Variants in MTMR11 observed in about 807,000 individuals in gnomAD.
MTMR11 encodes myotubularin related protein 11.
MTMR11 carries 89 observed loss-of-function variants against 100.0 expected under a neutral mutation model. The observed-to-expected ratio is 0.89, with a 90% confidence interval of 0.75 to 1.06. The LOEUF (loss-of-function observed/expected upper bound fraction) is 1.06, where lower values mean the gene tolerates loss of function less well. Ranked by LOEUF, MTMR11 falls within the 50% of genes least tolerant of loss-of-function variation. The pLI is 0.00. For synonymous variants in MTMR11, 336 were observed against 326.3 expected, an observed-to-expected ratio of 1.03 and a Z score of -0.32; for missense variants, 809 against 873.7, an observed-to-expected ratio of 0.93 and a Z score of 0.93.
rs2092633824 is a variant in MTMR11, at chr1:149,929,848, CA to C, written c.1715del (p.Leu572ArgfsTer69). On this transcript the variant is annotated frameshift_variant, in exon 16 of 17. Transcript: ENST00000439741. LOFTEE classifies it high-confidence loss of function. ...WLFSRGALTP[L>X]NQLCPWRDSP... is the part of the protein sequence containing the mutation. ...TGTCCCGCCAAGGACAGAGCTGATT[CA>C]GGGGGGTCAATGCTCCTCTAGAGAA... 1 of 1,614,164 alleles carries C rather than the reference CA, an allele frequency of 6.2e-7. No individual in the cohort carries two copies. The highest frequency in any genetic ancestry group is 8.5e-7 in the Non-Finnish European group (1 of 1,180,022).
At chr1:149,929,985 G>C (rs2092636860) in intron 15 of MTMR11, 69 bp from the exon 16 acceptor site, 1 of 1,492,836 alleles carries the variant, frequency 6.7e-7, no homozygotes, top group East Asian at 2.3e-5. Context: ...ATCTGGATCA[G>C]GACAGGGTGT....
chr1:149,936,253 G>T, intron 1 of MTMR11, 24 bp from the exon 2 acceptor site: 1 of 1,613,428 alleles, frequency 6.2e-7, no homozygotes, highest in South Asian at 1.1e-5. Flanking sequence ...GGTTGAGGGG[G>T]GTCTAGAGTT....
chr1:149,935,241 G>A (rs587734686), intron 4 of MTMR11, 58 bp downstream of exon 4: 7 of 1,606,616 alleles, frequency 4.4e-6, no homozygotes, highest in Non-Finnish European at 6.0e-6. Flanking sequence ...GAGGAAGGAT[G>A]AGGAGGGAGT....
In MTMR11 at chr1:149,928,750, A is replaced by G; in HGVS notation, c.*379T>C. 9.7e-7 allele frequency: 1 copy of G among 1,028,612 alleles called. No homozygotes were observed. The highest frequency in any genetic ancestry group is 2.0e-5 in the Admixed American group (1 of 50,614). 63.7% of individuals were successfully genotyped at this position (1,028,612 alleles called of 1,614,324 possible). A position where few individuals can be genotyped will look rare whatever the true frequency, so the allele number is the denominator to read the frequency against. ...TTTCCTGTATCCGCCTCATTCCCATAGAAAACTATAAGGGAAGAAATAGAA... is the reference window on the plus strand; with the variant it reads ...TTTCCTGTATCCGCCTCATTCCCATGGAAAACTATAAGGGAAGAAATAGAA... On this transcript the variant is annotated 3_prime_UTR_variant, in exon 17 of 17. Transcript: ENST00000439741.
chr1:149,936,032 G>T, intron 2 of MTMR11, 122 bp downstream of exon 2: 1 of 1,072,360 alleles, frequency 9.3e-7, no homozygotes. Flanking sequence ...AGGACAGCGA[G>T]CCTCAGGCAG....
intron 1 of MTMR11, 164 bp from the exon 2 acceptor site, chr1:149,936,393 G>A: frequency 1.4e-6 from 2 of 1,463,586 alleles, no homozygotes; most frequent in South Asian, 2.8e-5. Flanking sequence ...AGTAAAGGGA[G>A]GGGCTGGTTA....
chr1:149,930,647 G>A (rs2092646180), intron 14 of MTMR11, 100 bp from the exon 15 acceptor site: 13 of 1,380,502 alleles, frequency 9.4e-6, no homozygotes, highest in Non-Finnish European at 1.3e-5. Context: ...AAAGATGTAG[G>A]GCAAAAGTCT....
chr1:149,931,992 C>T lies in MTMR11; in HGVS notation c.1075G>A (p.Asp359Asn), dbSNP rs1166232886. The T allele has an allele frequency of 6.2e-6, 10 of 1,613,826 alleles. No individual in the cohort carries two copies. The highest frequency in any genetic ancestry group is 8.5e-6 in the Non-Finnish European group (10 of 1,179,838). Residue 359 changes from aspartate to asparagine, a missense_variant, in exon 12 of 17, where the codon GAC becomes AAC. Transcript: ENST00000439741. ...YVRACLRKAS[D>N]ISVLVTSRVR... ...CTGGATGTCACTAATACTGAAATGT[C>T]ACTGGCCTTTCGAAGACAAGCCCTG...
intron 15 of MTMR11, 71 bp from the exon 16 acceptor site, chr1:149,929,987 A>G: frequency 1.3e-6 from 2 of 1,489,520 alleles, no homozygotes; most frequent in Non-Finnish European, 9.1e-7. Flanking sequence ...CTGGATCAGG[A>G]CAGGGTGTCC....
At position 149,929,473 on chromosome 1, in the gene MTMR11, C is replaced by G. The variant is rs974281424; in HGVS notation, c.1941+150G>C. ...CACAAGCACTTTCCCGCACCTCCTACACTCCCAAACCTTGTTTGATGCCAA... is the reference window on the plus strand; with the variant it reads ...CACAAGCACTTTCCCGCACCTCCTAGACTCCCAAACCTTGTTTGATGCCAA... On this transcript the variant is annotated intron_variant, in intron 16 of 16. Coordinates refer to ENST00000439741, the MANE Select transcript of MTMR11 (RefSeq NM_001145862.2). The G allele has an allele frequency of 2.4e-5, 29 of 1,216,378 alleles. No homozygotes were observed. In the African/African-American group the frequency reaches 2.6e-4, roughly 11 times the overall value. The allele number at this position is 1,216,378 out of a possible 1,614,324, so 75.3% of individuals were successfully genotyped here. A position where few individuals can be genotyped will look rare whatever the true frequency, so the allele number is the denominator to read the frequency against.
At position 149,929,855 on chromosome 1, in the gene MTMR11, G is replaced by A. The variant is rs1553767051; in HGVS notation, c.1709C>T (p.Thr570Ile). The A allele has an allele frequency of 1.2e-6, 2 of 1,614,082 alleles. No homozygotes were observed. Among genetic ancestry groups the A allele is most frequent in the African/African-American group, 1.3e-5 (1 of 74,926 alleles). The change falls in exon 16 of 17, where the codon ACC becomes ATC. Residue 570 changes from threonine (T) to isoleucine (I), a missense_variant. Thr to Ile is a moderately conservative substitution (Grantham distance 89, BLOSUM62 -1). Coordinates refer to ENST00000439741, the MANE Select transcript of MTMR11 (RefSeq NM_001145862.2). ...SVWLFSRGALTPLNQLCPWRD... is the reference protein window; with the variant it reads ...SVWLFSRGALIPLNQLCPWRD... ...CCAAGGACAGAGCTGATTCAGGGGG[G>A]TCAATGCTCCTCTAGAGAAGAGCCA...
intron 13 of MTMR11, 27 bp downstream of exon 13, chr1:149,931,233 C>G (rs1553767549): frequency 6.2e-7 from 1 of 1,613,316 alleles, no homozygotes; most frequent in South Asian, 1.1e-5. Flanking sequence ...GTAATATGCC[C>G]CCGATGCCAT....
chr1:149,929,880 A>G lies in MTMR11; in HGVS notation c.1684T>C (p.Trp562Arg). 1 of 1,614,154 alleles carries G rather than the reference A, an allele frequency of 6.2e-7. No homozygotes were observed. The highest frequency in any genetic ancestry group is 8.5e-7 in the Non-Finnish European group (1 of 1,179,992). Residue 562 changes from tryptophan (W) to arginine (R), a missense_variant, in exon 16 of 17, where the codon TGG becomes CGG. Coordinates refer to ENST00000439741, the MANE Select transcript of MTMR11 (RefSeq NM_001145862.2). The part of the protein sequence containing the change: ...FMVPGPPSSV[W>R]LFSRGALTPL... ...GTCAATGCTCCTCTAGAGAAGAGCCACACAGAACTGGGGGGTCCAGGAACC... is the reference window on the plus strand; with the variant it reads ...GTCAATGCTCCTCTAGAGAAGAGCCGCACAGAACTGGGGGGTCCAGGAACC...
chr1:149,936,562 C>A lies in MTMR11; in HGVS notation c.66+20G>T. ...CGTTCTCACCCTCTTGCCGACACCC[C>A]CCAAATTCCTTCTCCTTACCCCCAT... On this transcript the variant is annotated intron_variant, in intron 1 of 16. Coordinates refer to ENST00000439741, the MANE Select transcript of MTMR11 (RefSeq NM_001145862.2). The A allele has an allele frequency of 1.3e-6, 2 of 1,499,614 alleles. No individual in the cohort carries two copies. Among genetic ancestry groups the A allele is most frequent in the Non-Finnish European group, 1.8e-6 (2 of 1,101,254 alleles). The allele number at this position is 1,499,614 out of a possible 1,614,324, so 92.9% of individuals were successfully genotyped here.
rs2092614368 is a variant in MTMR11 at position 149,928,800 on chromosome 1, C to T, written c.*329G>A. 5 of 1,439,346 alleles carry T rather than the reference C, an allele frequency of 3.5e-6. No homozygotes were observed. Among genetic ancestry groups the T allele is most frequent in the Non-Finnish European group, 4.9e-6 (5 of 1,022,256 alleles). The allele number at this position is 1,439,346 out of a possible 1,614,324, so 89.2% of individuals were successfully genotyped here. A position where few individuals can be genotyped will look rare whatever the true frequency, so the allele number is the denominator to read the frequency against. On this transcript the variant is annotated 3_prime_UTR_variant, in exon 17 of 17. Coordinates refer to ENST00000439741, the MANE Select transcript of MTMR11 (RefSeq NM_001145862.2). ...ACTTGGAATTAAAGCAGCAGCAAGG[C>T]GAGGTGAGAATGCGATTTCTAGGCC...
rs2092699239 is a variant in MTMR11 at position 149,934,438 on chromosome 1, T to C, written c.547+10A>G. ...CAGACTCTTCCTTACCCTAAAGCAC[T>C]CTCACTCACCAGCCTTGCTCAGGGT... On this transcript the variant is annotated intron_variant, in intron 6 of 16. Coordinates refer to ENST00000439741, the MANE Select transcript of MTMR11 (RefSeq NM_001145862.2). 6 of 1,614,120 alleles carry C rather than the reference T, an allele frequency of 3.7e-6. No individual in the cohort carries two copies. The highest frequency in any genetic ancestry group is 5.1e-6 in the Non-Finnish European group (6 of 1,179,964).
chr1:149,928,825 C>G lies in MTMR11; in HGVS notation c.*304G>C. 1.3e-6 allele frequency: 2 copies of G among 1,572,096 alleles called. No individual in the cohort carries two copies. Among genetic ancestry groups the G allele is most frequent in the South Asian group, 2.2e-5 (2 of 89,946 alleles). On this transcript the variant is annotated 3_prime_UTR_variant, in exon 17 of 17. Coordinates refer to ENST00000439741, the MANE Select transcript of MTMR11 (RefSeq NM_001145862.2). ...CGAGGTGAGAATGCGATTTCTAGGC[C>G]ATCTTGTTGGGACTGATGAACAGCA...
Position 149,936,687 on chromosome 1 carries a change from G to A in MTMR11, c.-40C>T, listed in dbSNP as rs1326067135. 3 of 1,382,264 alleles carry A rather than the reference G, an allele frequency of 2.2e-6. No homozygotes were observed. Among genetic ancestry groups the A allele is most frequent in the Non-Finnish European group, 3.0e-6 (3 of 992,436 alleles). 85.6% of individuals were successfully genotyped at this position (1,382,264 alleles called of 1,614,324 possible). ...CCGGGGACACAGCAGTTAAGGGTGG[G>A]AAACCTCAAGGATGCTCACCCACCT... On this transcript the variant is annotated 5_prime_UTR_variant, in exon 1 of 17. Transcript: ENST00000439741.
chr1:149,931,165 G>A, intron 13 of MTMR11, 95 bp downstream of exon 13: 1 of 1,541,906 alleles, frequency 6.5e-7, no homozygotes, highest in Non-Finnish European at 8.8e-7. Context: ...GGGCCCTTCT[G>A]ACCGGATTCA....
Sources: gnomAD v4.1 joint callset for allele counts on GRCh38, gnomAD v4.1.1 for gene constraint, MANE v1.5 for transcripts, NCBI Gene and HGNC (gene_info 2026-07-23, HGNC 2026-07-21) for gene names.